SGPP2: variants seen among roughly 807,000 people sequenced by gnomAD.
The protein encoded by SGPP2 is sphingosine 1-phosphate phosphohydrolase 2.
In SGPP2, 30 loss-of-function variants were observed where a neutral mutation model predicts 33.9. That is an observed-to-expected ratio of 0.89 (90% confidence interval 0.66 to 1.20). SGPP2 has a LOEUF of 1.20. Ranked by LOEUF, SGPP2 falls within the 50% of genes most tolerant of loss-of-function variation. SGPP2 has a pLI of 0.00. For synonymous variants in SGPP2, 233 were observed against 225.0 expected (o/e 1.04, Z -0.32); for missense variants, 458 against 532.1 (o/e 0.86, Z 1.37).
intron 4 of SGPP2, among the ~76,000 whole-genome samples, chr2:222,525,348 G>T (rs2106136684): frequency 6.6e-6 from 1 of 152,198 alleles, no homozygotes; most frequent in South Asian, 2.1e-4. Flanking sequence ...TTCAGAAAAA[G>T]CCCCCAGGCT....
rs188518913 is a variant in SGPP2, at chr2:222,485,548, C to G, written c.378+10822C>G. On this transcript the variant is annotated intron_variant, in intron 2 of 4. Coordinates refer to ENST00000321276, the MANE Select transcript of SGPP2 (RefSeq NM_152386.4). ...CATTCCTGGGCCCATGTTCTACTTCCTTATCCTATTCTGTAAAGCAGCCAA... is the reference window on the plus strand; with the variant it reads ...CATTCCTGGGCCCATGTTCTACTTCGTTATCCTATTCTGTAAAGCAGCCAA... Among the ~76,000 whole-genome samples, 194 of 152,336 alleles carry G rather than the reference C, an allele frequency of 1.3e-3. 1 individual carries two copies. The highest frequency in any genetic ancestry group is 2.1e-3 in the Non-Finnish European group (140 of 68,026).
At chr2:222,459,923 G>A (rs1697633619) in intron 1 of SGPP2, among the ~76,000 whole-genome samples, 1 of 152,156 alleles carries the variant, frequency 6.6e-6, no homozygotes, top group South Asian at 2.1e-4. Context: ...TGGTCACACA[G>A]CACTTTCTGG....
intron 2 of SGPP2, among the ~76,000 whole-genome samples, chr2:222,495,407 C>T (rs749637847): frequency 2.6e-5 from 4 of 152,070 alleles, no homozygotes; most frequent in African/African-American, 7.2e-5. Flanking sequence ...GAGCAAGGCC[C>T]TGTCTCAAAA....
chr2:222,560,508 G>A lies in SGPP2; in HGVS notation c.*1610G>A, dbSNP rs4674666. 125,996 of 152,146 alleles carry A rather than the reference G, an allele frequency of 0.83. 52,948 individuals carry two copies. The highest frequency in any genetic ancestry group is 0.97 in the East Asian group (5,017 of 5,168). The allele number at this position is 152,146 out of a possible 1,614,324, so 9.4% of individuals were successfully genotyped here. On this transcript the variant is annotated 3_prime_UTR_variant, in exon 5 of 5. Coordinates refer to ENST00000321276, the MANE Select transcript of SGPP2 (RefSeq NM_152386.4). ...GGAAGGCGATGATTATGCAAACACC[G>A]GAGTTCCCTCCTCTTCAGTTCCTAA...
At chr2:222,428,020 G>A (rs186689115) in intron 1 of SGPP2, among the ~76,000 whole-genome samples, 27 of 152,208 alleles carry the variant, frequency 1.8e-4, no homozygotes, top group African/African-American at 6.0e-4. Flanking sequence ...AGGACTTCCA[G>A]GATATCCACA....
At chr2:222,425,351 C>A (rs969777205) in intron 1 of SGPP2, among the ~76,000 whole-genome samples, 1 of 152,334 alleles carries the variant, frequency 6.6e-6, no homozygotes, top group Non-Finnish European at 1.5e-5. Flanking sequence ...TTTACAACCT[C>A]CCTGCACTAC....
In SGPP2 at chr2:222,424,696, C is replaced by T. The variant is rs1404511424; in HGVS notation, c.94C>T (p.Arg32Trp). The T allele has an allele frequency of 2.1e-6, 3 of 1,451,114 alleles. No individual in the cohort carries two copies. The South Asian group carries it at 4.0e-5, about 19-fold the overall frequency. The allele number at this position is 1,451,114 out of a possible 1,614,324, so 89.9% of individuals were successfully genotyped here. Residue 32 changes from arginine (R) to tryptophan (W), a missense_variant, in exon 1 of 5, where the codon CGG (arginine) becomes TGG (tryptophan). Physicochemically the swap from Arg to Trp is moderately radical, Grantham distance 101. Coordinates refer to ENST00000321276, the MANE Select transcript of SGPP2 (RefSeq NM_152386.4). ...CTTCCCCGCTCCGGATGAAGGCCCC[C>T]GGGAGAACGGCGCGGACCCCACGGA... Reference protein sequence around the residue: ...GLFPAPDEGPRENGADPTERA... With the variant: ...GLFPAPDEGPWENGADPTERA...
chr2:222,510,361 T>C (rs1342621138), intron 2 of SGPP2, among the ~76,000 whole-genome samples: 1 of 152,202 alleles, frequency 6.6e-6, no homozygotes, highest in Non-Finnish European at 1.5e-5. Context: ...TACGTACTGG[T>C]AGAGAGGCTG....
intron 1 of SGPP2, among the ~76,000 whole-genome samples, chr2:222,434,207 A>G (rs1697201087): frequency 6.6e-6 from 1 of 152,164 alleles, no homozygotes; most frequent in African/African-American, 2.4e-5. Flanking sequence ...GCCTGGTGAG[A>G]TACATTCCAT....
At chr2:222,430,107 T>C (rs942406749) in intron 1 of SGPP2, among the ~76,000 whole-genome samples, 6 of 151,658 alleles carry the variant, frequency 4.0e-5, no homozygotes, top group Admixed American at 1.3e-4. Context: ...AATACTAGAA[T>C]AGAACGATGA....
intron 2 of SGPP2, among the ~76,000 whole-genome samples, chr2:222,499,419 C>T (rs763443805): frequency 2.6e-5 from 4 of 152,230 alleles, no homozygotes; most frequent in Non-Finnish European, 5.9e-5. Context: ...CTGCTCCCTG[C>T]AGTGAACTGG....
chr2:222,443,337 TAGTACCTGA>T (rs1697354097), intron 1 of SGPP2, among the ~76,000 whole-genome samples: 1 of 152,132 alleles, frequency 6.6e-6, no homozygotes. Flanking sequence ...GTAGTGACCA[TAGTACCTGA>T]TGAGTCATTT....
chr2:222,501,549 T>C (rs10210541), intron 2 of SGPP2, among the ~76,000 whole-genome samples: 6,898 of 152,210 alleles, frequency 0.045, 539 homozygotes, highest in African/African-American at 0.16. Context: ...AGGTGTTCGA[T>C]GTTAATGATG....
chr2:222,523,761 G>A (rs910978104), intron 3 of SGPP2, among the ~76,000 whole-genome samples: 1 of 151,332 alleles, frequency 6.6e-6, no homozygotes, highest in Non-Finnish European at 1.5e-5. Context: ...TATGTGTGTT[G>A]AGTACCCCAA....
intron 1 of SGPP2, among the ~76,000 whole-genome samples, chr2:222,436,828 C>A (rs1447130911): frequency 1.3e-5 from 2 of 152,178 alleles, no homozygotes; most frequent in African/African-American, 4.8e-5. Flanking sequence ...AGGTAGCCGG[C>A]TGATCACCCA....
At chr2:222,556,402 A>G (rs961461373) in intron 4 of SGPP2, among the ~76,000 whole-genome samples, 1 of 151,632 alleles carries the variant, frequency 6.6e-6, no homozygotes, top group Admixed American at 6.6e-5. Context: ...GGCGGTCAGG[A>G]CACTCAACTC....
intron 1 of SGPP2, among the ~76,000 whole-genome samples, chr2:222,433,820 A>T (rs149012896): frequency 6.6e-6 from 1 of 152,350 alleles, no homozygotes; most frequent in Admixed American, 6.5e-5. Context: ...ATTGCTAAAA[A>T]GTTAGTTGAT....
chr2:222,540,400 A>G (rs1698974119), intron 4 of SGPP2, among the ~76,000 whole-genome samples: 1 of 152,200 alleles, frequency 6.6e-6, no homozygotes, highest in African/African-American at 2.4e-5. Context: ...TTGAATTTTC[A>G]GATTTGGGAT....
chr2:222,543,019 T>C (rs1207650346), intron 4 of SGPP2, among the ~76,000 whole-genome samples: 2 of 152,124 alleles, frequency 1.3e-5, no homozygotes, highest in African/African-American at 2.4e-5. Flanking sequence ...CTTTTCCTAC[T>C]CTGTAGCTTG....
Sources: allele counts gnomAD v4.1 joint callset (sites outside exome capture counted in the v4.1 genomes callset), GRCh38; gene constraint gnomAD v4.1.1; transcripts MANE v1.5; gene names NCBI Gene and HGNC (gene_info 2026-07-23, HGNC 2026-07-21).